TNFAIP8: variants seen among roughly 807,000 people sequenced by gnomAD.
TNFAIP8 encodes tumor necrosis factor alpha-induced protein 8.
TNFAIP8 carries 7 observed loss-of-function variants against 13.3 expected under a neutral mutation model. The observed-to-expected ratio is 0.52, with a 90% CI of 0.30 to 0.99. TNFAIP8 has a LOEUF of 0.99. Among genes scored for constraint, TNFAIP8 ranks in the 50% least tolerant of loss-of-function variants. The pLI is 0.07. For synonymous variants in TNFAIP8, 94 were observed against 87.6 expected (o/e 1.07, Z -0.41); for missense variants, 258 against 236.9 (o/e 1.09, Z -0.58).
chr5:119,385,675 A>G (rs983816638), intron 1 of TNFAIP8, among the ~76,000 whole-genome samples: 3 of 152,224 alleles, frequency 2.0e-5, no homozygotes, highest in Admixed American at 1.3e-4. Context: ...GAAAGAGAAG[A>G]TGTAACTCCT....
At chr5:119,380,400 A>G (rs1001916129) in intron 1 of TNFAIP8, among the ~76,000 whole-genome samples, 1 of 152,244 alleles carries the variant, frequency 6.6e-6, no homozygotes, top group Non-Finnish European at 1.5e-5. Flanking sequence ...TAAGCCCTGC[A>G]TGAATATAAA....
At chr5:119,284,787 C>T (rs1748727973) in intron 1 of TNFAIP8, among the ~76,000 whole-genome samples, 1 of 152,094 alleles carries the variant, frequency 6.6e-6, no homozygotes, top group South Asian at 2.1e-4. Flanking sequence ...AACTTGAGAG[C>T]AACCTGCCTT....
rs1228393208 is a variant in TNFAIP8 at position 119,324,063 on chromosome 5, A to AT, written c.1+55163dup. On this transcript the variant is annotated intron_variant, in intron 1 of 1. Transcript: ENST00000274456. Reference sequence around the variant, plus strand: ...ATGACTCTAAAAAAGAATAGAGAATATTTTTTTCCTTAGAAGTTCCAGGTT... The same window carrying AT: ...ATGACTCTAAAAAAGAATAGAGAATATTTTTTTTCCTTAGAAGTTCCAGGTT... Among the ~76,000 whole-genome samples, 12 of 151,834 alleles carry AT rather than the reference A, an allele frequency of 7.9e-5. No individual in the cohort carries two copies. In the East Asian group the frequency reaches 1.9e-3, roughly 24 times the overall value.
At chr5:119,320,187 A>G (rs1750013224) in intron 1 of TNFAIP8, among the ~76,000 whole-genome samples, 1 of 152,212 alleles carries the variant, frequency 6.6e-6, no homozygotes, top group Admixed American at 6.5e-5. Context: ...TTTTTAGGAC[A>G]TATTACATCT....
intron 1 of TNFAIP8, among the ~76,000 whole-genome samples, chr5:119,340,110 G>GT (rs1750688153): frequency 6.6e-6 from 1 of 152,202 alleles, no homozygotes. Flanking sequence ...CCATCTTGTG[G>GT]TAAGTCAGTT....
In TNFAIP8 at chr5:119,332,057, G is replaced by T. The variant is rs142787478; in HGVS notation, c.2-60759G>T. Among the ~76,000 whole-genome samples, 6 of 152,232 alleles carry T rather than the reference G, an allele frequency of 3.9e-5. No homozygotes were observed. The East Asian group carries it at 1.2e-3, about 29-fold the overall frequency. On this transcript the variant is annotated intron_variant, in intron 1 of 1. Transcript: ENST00000274456. ...ATAACACAAAAGAACACAAAAATAT[G>T]GTTTCTAAGGTATAAGTGTCATATC...
At chr5:119,390,209 A>C (rs368187392) in intron 1 of TNFAIP8, among the ~76,000 whole-genome samples, 2 of 152,216 alleles carry the variant, frequency 1.3e-5, no homozygotes, top group East Asian at 3.8e-4. Flanking sequence ...ATTAAAAAAA[A>C]ACACAATAAC....
upstream of TNFAIP8, chr5:119,355,258 AC>A: frequency 1.4e-6 from 1 of 699,332 alleles, no homozygotes. Context: ...CCGGGAGGGA[AC>A]CGTGCTCTCC....
intron 1 of TNFAIP8, among the ~76,000 whole-genome samples, chr5:119,329,543 T>G (rs950298315): frequency 1.3e-5 from 2 of 152,196 alleles, no homozygotes; most frequent in African/African-American, 4.8e-5. Flanking sequence ...CAGTTTGCTT[T>G]TTGTGCTTTC....
chr5:119,297,325 C>T (rs1335577751), intron 1 of TNFAIP8, among the ~76,000 whole-genome samples: 2 of 152,104 alleles, frequency 1.3e-5, no homozygotes, highest in African/African-American at 4.8e-5. Context: ...TCGTTGGTTT[C>T]AAAGAACATC....
chr5:119,384,366 T>G (rs1326663443), intron 1 of TNFAIP8, among the ~76,000 whole-genome samples: 1 of 152,014 alleles, frequency 6.6e-6, no homozygotes, highest in African/African-American at 2.4e-5. Context: ...GTGCCTATAA[T>G]CAGCTACTTG....
chr5:119,377,144 A>G (rs915461546), intron 1 of TNFAIP8, among the ~76,000 whole-genome samples: 3 of 152,192 alleles, frequency 2.0e-5, no homozygotes, highest in African/African-American at 7.2e-5. Flanking sequence ...TGGCTCATCC[A>G]GTAATCCAGC....
At chr5:119,295,771 G>A (rs1211574884) in intron 1 of TNFAIP8, among the ~76,000 whole-genome samples, 2 of 152,134 alleles carry the variant, frequency 1.3e-5, no homozygotes, top group African/African-American at 2.4e-5. Context: ...AACATGGAAT[G>A]TTCTTCCATT....
intron 1 of TNFAIP8, among the ~76,000 whole-genome samples, chr5:119,350,998 CTGTGTGTGTG>C (rs70982476): frequency 0.043 from 5,994 of 137,908 alleles, 432 homozygotes; most frequent in African/African-American, 0.15. Flanking sequence ...GGGTCTCACT[CTGTGTGTGTG>C]TGTGTGTGTG....
At chr5:119,294,156 A>G (rs914778199) in intron 1 of TNFAIP8, among the ~76,000 whole-genome samples, 5 of 151,402 alleles carry the variant, frequency 3.3e-5, no homozygotes, top group Non-Finnish European at 7.4e-5. Flanking sequence ...TTAACTCGTC[A>G]TTTAGCATTA....
intron 1 of TNFAIP8, among the ~76,000 whole-genome samples, chr5:119,383,505 A>G (rs1287153783): frequency 2.6e-5 from 4 of 152,192 alleles, no homozygotes; most frequent in African/African-American, 9.7e-5. Context: ...CATAGCCCGT[A>G]TTTCTCCAGC....
intron 1 of TNFAIP8, among the ~76,000 whole-genome samples, chr5:119,358,774 T>C (rs887291473): frequency 6.6e-6 from 1 of 152,184 alleles, no homozygotes; most frequent in African/African-American, 2.4e-5. Flanking sequence ...TCTCTGAGAA[T>C]CTTTCTAGTG....
intron 1 of TNFAIP8, among the ~76,000 whole-genome samples, chr5:119,330,377 CTT>C: frequency 6.6e-6 from 1 of 152,284 alleles, no homozygotes; most frequent in Non-Finnish European, 1.5e-5. Context: ...TGTCATCACT[CTT>C]TTGATGATTT....
chr5:119,273,498 C>T (rs769070722), intron 1 of TNFAIP8, among the ~76,000 whole-genome samples: 42 of 152,098 alleles, frequency 2.8e-4, no homozygotes, highest in Non-Finnish European at 5.1e-4. Flanking sequence ...GAAATGTCAC[C>T]GCTGCTGCCA....
Sources: gnomAD v4.1 joint callset for allele counts (sites outside exome capture counted in the v4.1 genomes callset) on GRCh38, gnomAD v4.1.1 for gene constraint, MANE v1.5 for transcripts, NCBI Gene and HGNC (gene_info 2026-07-23, HGNC 2026-07-21) for gene names.